FER1L6: variants seen among roughly 807,000 people sequenced by gnomAD.
FER1L6 encodes fer-1-like protein 6.
In FER1L6, 177 loss-of-function variants were observed where a neutral mutation model predicts 219.2. That is an observed-to-expected ratio of 0.81 (90% CI 0.71 to 0.91). FER1L6 has a LOEUF of 0.91. Ranked by LOEUF, FER1L6 falls within the 40% of genes least tolerant of loss-of-function variation. The probability of loss-of-function intolerance (pLI) is 0.00; values close to 1 mark genes in which losing one functional copy is unlikely to be tolerated. For missense variants in FER1L6, 2,153 were observed against 2,259.9 expected, an observed-to-expected ratio of 0.95 and a Z score of 0.96; for synonymous variants, 768 against 824.3, an observed-to-expected ratio of 0.93 and a Z score of 1.17.
intron 12 of FER1L6, among the ~76,000 whole-genome samples, chr8:123,987,148 G>A (rs1382762397): frequency 6.6e-6 from 1 of 152,156 alleles, no homozygotes; most frequent in African/African-American, 2.4e-5. Flanking sequence ...GTGTATGAGG[G>A]TTCGCTTTTC....
chr8:123,967,131 A>G (rs1815579880), intron 5 of FER1L6, among the ~76,000 whole-genome samples: 1 of 151,812 alleles, frequency 6.6e-6, no homozygotes, highest in African/African-American at 2.4e-5. Context: ...GGCAAAAGAG[A>G]CAAAAAGTAT....
chr8:124,010,660 C>T lies in FER1L6; in HGVS notation c.1767C>T (p.Asp589=). ...PCVYFISSWG[D]QTFRLHWSNM... is the part of the protein sequence containing the mutation. ...TCTATTTCATCAGCTCTTGGGGAGA[C>T]CAGACCTTCAGGCTGCACTGGTCCA... is the stretch of plus-strand genomic sequence containing the variant. The change falls in exon 14 of 41, where the codon GAC becomes GAT. Residue 589 remains aspartate (D), a synonymous_variant. Transcript: ENST00000522917. The T allele has an allele frequency of 1.2e-6, 2 of 1,613,956 alleles. No individual in the cohort carries two copies. The highest frequency in any genetic ancestry group is 2.2e-5 in the South Asian group (2 of 91,038).
rs1295274020 is a variant in FER1L6, at chr8:124,068,939, T to C, written c.3719-421T>C. Among the ~76,000 whole-genome samples, 13 of 150,824 alleles carry C rather than the reference T, an allele frequency of 8.6e-5. No homozygotes were observed. The East Asian group carries it at 1.8e-3, about 20-fold the overall frequency. ...GAAGGGTCACAAGTTACTATTTCTT[T>C]TTTTTTTTTTTTTCCGAGACGGAGT... On this transcript the variant is annotated intron_variant, in intron 28 of 40. Coordinates refer to ENST00000522917, the MANE Select transcript of FER1L6 (RefSeq NM_001039112.2).
At position 124,060,175 on chromosome 8, in the gene FER1L6, G is replaced by A. The variant is rs373494485; in HGVS notation, c.2875-5G>A. 6.8e-5 allele frequency: 109 copies of A among 1,610,808 alleles called. No individual in the cohort carries two copies. The highest frequency in any genetic ancestry group is 2.9e-4 in the African/African-American group (22 of 74,846). ...CATCTAACTCATACTTGCCTTGTGCGGTAGGTTCCTCCTTCTGGGCTGCAA... is the reference window on the plus strand; with the variant it reads ...CATCTAACTCATACTTGCCTTGTGCAGTAGGTTCCTCCTTCTGGGCTGCAA... On this transcript the variant is annotated splice_polypyrimidine_tract_variant and splice_region_variant and intron_variant, in intron 22 of 40. Transcript: ENST00000522917.
At position 124,061,867 on chromosome 8, in the gene FER1L6, G is replaced by A. The variant is rs774019397; in HGVS notation, c.3163G>A (p.Glu1055Lys). The change falls in exon 25 of 41, where the codon GAG (glutamate) becomes AAG (lysine). Residue 1055 changes from glutamate (E) to lysine (K), a missense_variant. Physicochemically the swap from Glu to Lys is moderately conservative, Grantham distance 56 (BLOSUM62 1). Coordinates refer to ENST00000522917, the MANE Select transcript of FER1L6 (RefSeq NM_001039112.2). ...CTCTCTGCAGGAACTGCCTGAGAAC[G>A]AGCTTCTGCACCCGCCACTGAGCAT... ...DAFEVELPEN[E>K]LLHPPLSICV... is the part of the protein sequence containing the mutation. The A allele has an allele frequency of 1.5e-5, 25 of 1,613,546 alleles. No individual in the cohort carries two copies. The highest frequency in any genetic ancestry group is 2.1e-5 in the Non-Finnish European group (25 of 1,179,964).
chr8:124,089,498 G>A (rs145776388), intron 33 of FER1L6, among the ~76,000 whole-genome samples: 82 of 152,280 alleles, frequency 5.4e-4, no homozygotes, highest in African/African-American at 1.9e-3. Flanking sequence ...GATCTTGTGT[G>A]TATAATTTCA....
chr8:124,001,930 G>A (rs1013961674), intron 12 of FER1L6, among the ~76,000 whole-genome samples: 1 of 152,192 alleles, frequency 6.6e-6, no homozygotes, highest in Admixed American at 6.5e-5. Context: ...ACGAAACTTG[G>A]GAAGATTCTC....
intron 22 of FER1L6, chr8:124,058,719 T>G (rs1051225407): frequency 6.6e-6 from 1 of 152,214 alleles, no homozygotes; most frequent in Non-Finnish European, 1.5e-5. Context: ...GTTTCGTGGC[T>G]TTCCCTTTAA....
intron 12 of FER1L6, among the ~76,000 whole-genome samples, chr8:123,990,850 G>C (rs1003055203): frequency 1.2e-4 from 18 of 152,206 alleles, no homozygotes; most frequent in African/African-American, 4.1e-4. Context: ...TGTGGTTTCT[G>C]GTCTTAGATT....
At chr8:123,896,102 GA>G (rs1038591706) in intron 1 of FER1L6, among the ~76,000 whole-genome samples, 1 of 152,130 alleles carries the variant, frequency 6.6e-6, no homozygotes, top group Non-Finnish European at 1.5e-5. Context: ...CGGGGAAGGA[GA>G]AAACCAGGTA....
chr8:124,010,829 G>T, intron 14 of FER1L6, 115 bp downstream of exon 14: 13 of 1,409,428 alleles, frequency 9.2e-6, no homozygotes, highest in Non-Finnish European at 1.2e-5. Flanking sequence ...AATAAATTGA[G>T]GATGCTGCAT....
At chr8:123,858,241 A>C (rs1053573415) in intron 1 of FER1L6, among the ~76,000 whole-genome samples, 2 of 152,204 alleles carry the variant, frequency 1.3e-5, no homozygotes, top group African/African-American at 2.4e-5. Context: ...CCTCCTAGAC[A>C]GTTCTGGAGA....
At chr8:124,009,382 G>C (rs1407384414) in intron 13 of FER1L6, among the ~76,000 whole-genome samples, 6 of 152,126 alleles carry the variant, frequency 3.9e-5, no homozygotes, top group Non-Finnish European at 7.4e-5. Flanking sequence ...GGAGCTGGAG[G>C]CCTGGGGAGG....
chr8:123,897,800 G>A (rs1159528893), intron 1 of FER1L6, among the ~76,000 whole-genome samples: 1 of 152,102 alleles, frequency 6.6e-6, no homozygotes, highest in East Asian at 1.9e-4. Flanking sequence ...CATGTAATTT[G>A]TGTTCTATTG....
intron 39 of FER1L6, among the ~76,000 whole-genome samples, chr8:124,104,364 G>C (rs145562041): frequency 8.8e-4 from 134 of 152,318 alleles, no homozygotes; most frequent in Non-Finnish European, 1.5e-3. Flanking sequence ...AGTCCAGTGA[G>C]AGGGACAAAC....
At chr8:124,116,274 T>C (rs901365007) in intron 39 of FER1L6, among the ~76,000 whole-genome samples, 5 of 151,918 alleles carry the variant, frequency 3.3e-5, no homozygotes, top group Non-Finnish European at 7.4e-5. Flanking sequence ...TGAAACACCA[T>C]GCAAGTTATA....
intron 34 of FER1L6, among the ~76,000 whole-genome samples, chr8:124,093,775 CTTTA>C (rs1438832633): frequency 6.6e-6 from 1 of 150,704 alleles, no homozygotes; most frequent in East Asian, 1.9e-4. Context: ...TTTGTGGCCC[CTTTA>C]TTTTTATTAC....
chr8:123,917,443 C>T (rs556900887), intron 1 of FER1L6, among the ~76,000 whole-genome samples: 5 of 152,330 alleles, frequency 3.3e-5, no homozygotes, highest in African/African-American at 4.8e-5. Flanking sequence ...AAGGACCTTC[C>T]GCACTTCAGG....
intron 5 of FER1L6, 43 bp downstream of exon 5, chr8:123,966,333 C>CT (rs1815539767): frequency 6.2e-7 from 1 of 1,609,466 alleles, no homozygotes; most frequent in Non-Finnish European, 8.5e-7. Flanking sequence ...CTAAGATTCT[C>CT]TTCACCACCA....
Sources: gnomAD v4.1 joint callset for allele counts (sites outside exome capture counted in the v4.1 genomes callset) on GRCh38, gnomAD v4.1.1 for gene constraint, MANE v1.5 for transcripts, NCBI Gene and HGNC (gene_info 2026-07-23, HGNC 2026-07-21) for gene names.